Variants in SRP9 observed in about 807,000 individuals in gnomAD.
SRP9 encodes the protein signal recognition particle 9 kDa protein.
Under a neutral mutation model 11.7 loss-of-function variants are expected in SRP9, and 2 were observed. The ratio of observed to expected loss-of-function variants is 0.17; its 90% CI spans 0.07 to 0.54. The LOEUF is 0.54. Ranked by LOEUF, SRP9 falls within the 20% of genes least tolerant of loss-of-function variation. The probability of loss-of-function intolerance (pLI) is 0.94; values close to 1 mark genes in which losing one functional copy is unlikely to be tolerated. For synonymous variants in SRP9, 27 were observed against 35.6 expected, an observed-to-expected ratio of 0.76 and a Z score of 0.86; for missense variants, 54 against 108.1, an observed-to-expected ratio of 0.50 and a Z score of 2.22.
At chr1:225,783,721 A>C (rs1384311609) in intron 2 of SRP9, among the ~76,000 whole-genome samples, 1 of 152,198 alleles carries the variant, frequency 6.6e-6, no homozygotes, top group Non-Finnish European at 1.5e-5. Context: ...TGATATGCTC[A>C]TTCTTGTTAC....
In SRP9 at chr1:225,789,489, A is replaced by C. The variant is rs1665985351; in HGVS notation, c.*130A>C. On this transcript the variant is annotated 3_prime_UTR_variant, in exon 3 of 3. Coordinates refer to ENST00000304786, the MANE Select transcript of SRP9 (RefSeq NM_003133.6). ...CAGAAGCTTAGAGGTCATTTTTTGT[A>C]ATTTTCTTTTTAATTACTTTAGAGA... is the stretch of plus-strand genomic sequence containing the variant. 15 of 1,118,262 alleles carry C rather than the reference A, an allele frequency of 1.3e-5. No homozygotes were observed. The highest frequency in any genetic ancestry group is 1.8e-5 in the Non-Finnish European group (15 of 812,680). 69.3% of individuals were successfully genotyped at this position (1,118,262 alleles called of 1,614,324 possible). A position where few individuals can be genotyped will look rare whatever the true frequency, so the allele number is the denominator to read the frequency against.
At position 225,785,659 on chromosome 1, in the gene SRP9, C is replaced by T. The variant is rs369881205; in HGVS notation, c.141+2291C>T. ...CCTCCCAAAGTGTTGGGATTATAGG[C>T]GTGAGCCACTGTGCCTGGACTTTTT... On this transcript the variant is annotated intron_variant, in intron 2 of 2. Transcript: ENST00000304786. 2.1e-3 allele frequency among the ~76,000 whole-genome samples: 302 copies of T among 140,504 alleles called. 1 individual carries two copies. In the East Asian group the frequency reaches 0.041, roughly 19 times the overall value. 92.2% of individuals were successfully genotyped at this position (140,504 alleles called of 152,430 possible).
intron 2 of SRP9, among the ~76,000 whole-genome samples, chr1:225,787,901 A>G (rs946280815): frequency 7.9e-5 from 12 of 152,188 alleles, no homozygotes; most frequent in Non-Finnish European, 1.5e-4. Context: ...TAAAAGGCTC[A>G]CTTAAAAAAA....
At chr1:225,789,065 A>G (rs1454354640) in intron 2 of SRP9, 175 bp from the exon 3 acceptor site, 8 of 1,551,136 alleles carry the variant, frequency 5.2e-6, no homozygotes, top group South Asian at 1.2e-5. Context: ...ACTTTAAGAC[A>G]TGGAATTGCT....
chr1:225,782,112 T>G (rs1665811014), intron 1 of SRP9, among the ~76,000 whole-genome samples: 1 of 152,106 alleles, frequency 6.6e-6, no homozygotes, highest in Non-Finnish European at 1.5e-5. Context: ...ATTTTAAAAT[T>G]ATGTTTCTGT....
chr1:225,781,395 C>CTTTTTTTTTTTTTT (rs11315558), intron 1 of SRP9, among the ~76,000 whole-genome samples: 7 of 87,820 alleles, frequency 8.0e-5, no homozygotes, highest in Non-Finnish European at 1.3e-4. Context: ...TTTTCTTTTT[C>CTTTTTTTTTTTTTT]TTTTTTTTTT....
chr1:225,784,644 A>G (rs976631788), intron 2 of SRP9, among the ~76,000 whole-genome samples: 24 of 151,814 alleles, frequency 1.6e-4, no homozygotes, highest in Admixed American at 1.6e-3. Context: ...GATCGAGACC[A>G]TCCTGGCTAA....
chr1:225,782,038 TC>T (rs1432956436), intron 1 of SRP9, among the ~76,000 whole-genome samples: 1 of 152,182 alleles, frequency 6.6e-6, no homozygotes, highest in Non-Finnish European at 1.5e-5. Context: ...AGGTTGCAGT[TC>T]CATTAGCCCT....
chr1:225,787,024 TG>T (rs775149032), intron 2 of SRP9: 2 of 335,086 alleles, frequency 6.0e-6, no homozygotes, highest in Non-Finnish European at 1.2e-5. Context: ...TAAATTTTTT[TG>T]TCAAGACAGG....
At chr1:225,788,050 A>G (rs1665951696) in intron 2 of SRP9, among the ~76,000 whole-genome samples, 1 of 152,222 alleles carries the variant, frequency 6.6e-6, no homozygotes, top group African/African-American at 2.4e-5. Context: ...CTACAAAATG[A>G]GGAAAGGGCT....
intron 2 of SRP9, among the ~76,000 whole-genome samples, chr1:225,784,715 A>C (rs1440946310): frequency 6.6e-6 from 1 of 151,528 alleles, no homozygotes; most frequent in African/African-American, 2.4e-5. Flanking sequence ...GGTGGCGGGC[A>C]CCTGTAGTCC....
At chr1:225,786,164 T>C (rs994179624) in intron 2 of SRP9, among the ~76,000 whole-genome samples, 1 of 152,246 alleles carries the variant, frequency 6.6e-6, no homozygotes, top group African/African-American at 2.4e-5. Flanking sequence ...CTTTGCAATA[T>C]TGAATCCCAC....
chr1:225,789,099 A>G (rs748965866), intron 2 of SRP9, 141 bp from the exon 3 acceptor site: 33 of 1,551,286 alleles, frequency 2.1e-5, no homozygotes, highest in South Asian at 4.8e-5. Context: ...CTTGAGTGCA[A>G]TTTCCCTAGT....
chr1:225,787,107 C>G, intron 2 of SRP9: 1 of 276,282 alleles, frequency 3.6e-6, no homozygotes, highest in South Asian at 3.1e-5. Context: ...GCCTCCCAAA[C>G]CACTGGGATT....
intron 1 of SRP9, among the ~76,000 whole-genome samples, 153 bp from the exon 2 acceptor site, chr1:225,783,147 A>T (rs1230187412): frequency 6.6e-6 from 1 of 151,996 alleles, no homozygotes; most frequent in Non-Finnish European, 1.5e-5. Context: ...TTTTTTTTTT[A>T]ACTTCATTTC....
At chr1:225,784,495 C>T (rs1294155522) in intron 2 of SRP9, among the ~76,000 whole-genome samples, 1 of 151,244 alleles carries the variant, frequency 6.6e-6, no homozygotes, top group African/African-American at 2.4e-5. Context: ...GTGATCCACC[C>T]GTCTCGGCCT....
chr1:225,788,926 A>G (rs750770423), intron 2 of SRP9: 16 of 1,393,986 alleles, frequency 1.1e-5, no homozygotes, highest in Non-Finnish European at 1.5e-5. Context: ...GAAGGAAGAA[A>G]ATATCTAATT....
rs1665836649 is a variant in SRP9, at chr1:225,783,385, A to G, written c.141+17A>G. 17 of 1,561,926 alleles carry G rather than the reference A, an allele frequency of 1.1e-5. No homozygotes were observed. The highest frequency in any genetic ancestry group is 1.5e-5 in the Non-Finnish European group (17 of 1,135,240). On this transcript the variant is annotated intron_variant, in intron 2 of 2. Transcript: ENST00000304786. ...GATTTAGTTGTAAGTATACATTTTT[A>G]TTTGTTACATACTTTCAGATTTGTT...
In SRP9 at chr1:225,784,976, A is replaced by C. The variant is rs540800206; in HGVS notation, c.141+1608A>C. Among the ~76,000 whole-genome samples, 4 of 152,186 alleles carry C rather than the reference A, an allele frequency of 2.6e-5. No individual in the cohort carries two copies. The East Asian group carries it at 5.8e-4, about 22-fold the overall frequency. ...ATTTTTTTAGAGACAGGATATCGCT[A>C]TGTTGCCCAGGCTGGTCTTGAACTC... On this transcript the variant is annotated intron_variant, in intron 2 of 2. Coordinates refer to ENST00000304786, the MANE Select transcript of SRP9 (RefSeq NM_003133.6).
Sources: allele counts gnomAD v4.1 joint callset (sites outside exome capture counted in the v4.1 genomes callset), GRCh38; gene constraint gnomAD v4.1.1; transcripts MANE v1.5; gene names NCBI Gene and HGNC (gene_info 2026-07-23, HGNC 2026-07-21).